Variants in NKAIN3 observed in about 807,000 individuals in gnomAD.
The protein encoded by NKAIN3 is sodium/potassium-transporting ATPase subunit beta-1-interacting protein 3.
In NKAIN3, 25 loss-of-function variants were observed where a neutral mutation model predicts 30.2. That is an observed-to-expected ratio of 0.83 (90% CI 0.60 to 1.16). The LOEUF is 1.16. Among genes scored for constraint, NKAIN3 ranks in the 50% most tolerant of loss-of-function variants. The pLI, the probability that NKAIN3 is intolerant of heterozygous loss-of-function variation, is 0.00. For synonymous variants in NKAIN3, 91 were observed against 89.6 expected, an observed-to-expected ratio of 1.02 and a Z score of -0.09; for missense variants, 225 against 254.1, an observed-to-expected ratio of 0.89 and a Z score of 0.78.
Position 62,970,965 on chromosome 8 carries a change from A to G in NKAIN3, c.*5558A>G, listed in dbSNP as rs539656983. On this transcript the variant is annotated 3_prime_UTR_variant, in exon 7 of 7. Transcript: ENST00000623646. ...AAGTAACAGAAAAAGAAAAATGACA[A>G]TGGATTAAATAACATAGAGGTCTAT... 3.9e-5 allele frequency among the ~76,000 whole-genome samples: 6 copies of G among 152,310 alleles called. No homozygotes were observed. Among genetic ancestry groups the G allele is most frequent in the African/African-American group, 9.6e-5 (4 of 41,576 alleles).
intron 3 of NKAIN3, among the ~76,000 whole-genome samples, chr8:62,670,440 C>T (rs1197355464): frequency 1.8e-4 from 27 of 152,038 alleles, no homozygotes; most frequent in African/African-American, 3.4e-4. Flanking sequence ...TTTACACTTC[C>T]GACACAACGA....
rs554642956 is a variant in NKAIN3 at position 62,481,719 on chromosome 8, A to G, written c.55-97820A>G. 4.6e-5 allele frequency among the ~76,000 whole-genome samples: 7 copies of G among 152,346 alleles called. No individual in the cohort carries two copies. The South Asian group carries it at 1.4e-3, about 32-fold the overall frequency. ...AAAATAATTTCCCCTTCTCTTTATG[A>G]CTTGGCAGAACACAAGACAAGGGGT... On this transcript the variant is annotated intron_variant, in intron 1 of 6. Transcript: ENST00000623646.
intron 1 of NKAIN3, among the ~76,000 whole-genome samples, chr8:62,281,090 G>A (rs879047329): frequency 6.6e-6 from 1 of 152,028 alleles, no homozygotes; most frequent in Admixed American, 6.5e-5. Context: ...ACTTCTTCCT[G>A]GTTTAGTCTT....
At chr8:62,565,153 T>G (rs1229644810) in intron 1 of NKAIN3, among the ~76,000 whole-genome samples, 1 of 152,170 alleles carries the variant, frequency 6.6e-6, no homozygotes, top group East Asian at 1.9e-4. Flanking sequence ...CAATACATCT[T>G]GGATATACAC....
intron 1 of NKAIN3, among the ~76,000 whole-genome samples, chr8:62,456,929 C>T (rs1444534836): frequency 6.6e-6 from 1 of 152,212 alleles, no homozygotes; most frequent in Non-Finnish European, 1.5e-5. Flanking sequence ...GTGCTCATGA[C>T]CTTTCTCGTT....
At chr8:62,411,468 C>T (rs1391560879) in intron 1 of NKAIN3, among the ~76,000 whole-genome samples, 1 of 152,150 alleles carries the variant, frequency 6.6e-6, no homozygotes. Context: ...AAGCTGGAAC[C>T]ATTCATTCCT....
intron 1 of NKAIN3, among the ~76,000 whole-genome samples, chr8:62,490,933 A>G (rs1009053417): frequency 1.3e-5 from 2 of 152,212 alleles, no homozygotes; most frequent in Admixed American, 1.3e-4. Context: ...GCCAGCACCA[A>G]ACAAACACTC....
intron 3 of NKAIN3, among the ~76,000 whole-genome samples, chr8:62,718,892 A>G (rs544657970): frequency 1.4e-4 from 22 of 152,334 alleles, no homozygotes; most frequent in African/African-American, 5.0e-4. Context: ...AGACCAAATA[A>G]TTCATTCAAT....
At chr8:62,730,986 C>A (rs562891200) in intron 3 of NKAIN3, among the ~76,000 whole-genome samples, 4 of 152,098 alleles carry the variant, frequency 2.6e-5, no homozygotes, top group Non-Finnish European at 5.9e-5. Context: ...ATGATAGAGC[C>A]TTCAGAGTGG....
chr8:62,616,345 G>T (rs1052661497), intron 3 of NKAIN3, among the ~76,000 whole-genome samples: 3 of 152,006 alleles, frequency 2.0e-5, no homozygotes, highest in African/African-American at 7.2e-5. Flanking sequence ...AAAAATTCAG[G>T]GGTTCTCTCG....
At chr8:62,565,333 T>G (rs1051990554) in intron 1 of NKAIN3, among the ~76,000 whole-genome samples, 10 of 150,928 alleles carry the variant, frequency 6.6e-5, no homozygotes, top group African/African-American at 2.2e-4. Flanking sequence ...TATATATGTA[T>G]GTGCATATGT....
chr8:62,679,913 A>G (rs1385830570), intron 3 of NKAIN3, among the ~76,000 whole-genome samples: 2 of 152,220 alleles, frequency 1.3e-5, no homozygotes, highest in African/African-American at 4.8e-5. Flanking sequence ...CGCAGGTATA[A>G]TAAAGTTCAG....
intron 3 of NKAIN3, among the ~76,000 whole-genome samples, chr8:62,598,031 C>T (rs573596431): frequency 3.9e-5 from 6 of 152,128 alleles, no homozygotes; most frequent in African/African-American, 1.4e-4. Context: ...ATGAACTAGT[C>T]ATCACGGATT....
intron 1 of NKAIN3, among the ~76,000 whole-genome samples, chr8:62,342,651 A>G (rs1276806058): frequency 6.6e-6 from 1 of 152,074 alleles, no homozygotes; most frequent in East Asian, 1.9e-4. Context: ...TGTGACACTG[A>G]ATTACAGGGC....
chr8:62,375,690 G>T (rs747120211), intron 1 of NKAIN3, among the ~76,000 whole-genome samples: 7 of 152,088 alleles, frequency 4.6e-5, no homozygotes, highest in Non-Finnish European at 1.0e-4. Flanking sequence ...ACAACCTACT[G>T]CCTGGACAGA....
At chr8:62,316,009 AGAGT>A (rs1237394524) in intron 1 of NKAIN3, among the ~76,000 whole-genome samples, 3 of 152,268 alleles carry the variant, frequency 2.0e-5, no homozygotes, top group African/African-American at 4.8e-5. Context: ...TGTTCTCATG[AGAGT>A]GAGTGAGTTT....
At chr8:62,520,393 T>C (rs1808118992) in intron 1 of NKAIN3, among the ~76,000 whole-genome samples, 1 of 152,128 alleles carries the variant, frequency 6.6e-6, no homozygotes, top group South Asian at 2.1e-4. Flanking sequence ...TTTTATAATA[T>C]ATTTTATCTA....
chr8:62,635,047 A>G (rs1008064086), intron 3 of NKAIN3, among the ~76,000 whole-genome samples: 1 of 152,090 alleles, frequency 6.6e-6, no homozygotes, highest in African/African-American at 2.4e-5. Flanking sequence ...GGTCGGGGGC[A>G]TGGGTCAACC....
intron 1 of NKAIN3, among the ~76,000 whole-genome samples, chr8:62,315,282 T>TTGTAGTGTAA (rs1814580225): frequency 6.6e-6 from 1 of 152,166 alleles, no homozygotes; most frequent in Non-Finnish European, 1.5e-5. Context: ...CAAGCACAAA[T>TTGTAGTGTAA]TGTAGTGTAA....
Sources: gnomAD v4.1 joint callset for allele counts (sites outside exome capture counted in the v4.1 genomes callset) on GRCh38, gnomAD v4.1.1 for gene constraint, MANE v1.5 for transcripts, NCBI Gene and HGNC (gene_info 2026-07-23, HGNC 2026-07-21) for gene names.